Variants in MAML3 observed in about 807,000 individuals in gnomAD.
MAML3 encodes mastermind like transcriptional coactivator 3.
A neutral mutation model predicts 101.9 loss-of-function variants in MAML3; 27 were observed. The observed-to-expected ratio is 0.27, with a 90% CI of 0.20 to 0.37. The LOEUF is 0.37. Among genes scored for constraint, MAML3 ranks in the 10% least tolerant of loss-of-function variants. The pLI is 1.00. For missense variants in MAML3, 1,316 were observed against 1,444.9 expected (o/e 0.91, Z 1.45); for synonymous variants, 501 against 555.9 (o/e 0.90, Z 1.39).
intron 2 of MAML3, among the ~76,000 whole-genome samples, chr4:139,782,980 A>G (rs574253343): frequency 6.6e-6 from 1 of 152,092 alleles, no homozygotes; most frequent in Non-Finnish European, 1.5e-5. Flanking sequence ...GCCTATTTTC[A>G]GTGTTTGGGA....
At chr4:139,842,204 T>C (rs1731375317) in intron 2 of MAML3, among the ~76,000 whole-genome samples, 1 of 152,184 alleles carries the variant, frequency 6.6e-6, no homozygotes, top group Non-Finnish European at 1.5e-5. Flanking sequence ...TGTGACCTGA[T>C]ATTGGGTTGA....
At chr4:140,146,521 AT>A (rs1016393562) in intron 1 of MAML3, among the ~76,000 whole-genome samples, 142 of 152,238 alleles carry the variant, frequency 9.3e-4, no homozygotes, top group African/African-American at 3.1e-3. Context: ...CAACAAAAAA[AT>A]TAAACTAAAT....
chr4:140,105,187 T>G (rs1198833557), intron 1 of MAML3, among the ~76,000 whole-genome samples: 2 of 152,228 alleles, frequency 1.3e-5, no homozygotes, highest in African/African-American at 4.8e-5. Flanking sequence ...GAAAATTGTG[T>G]CCTATCAAAG....
intron 1 of MAML3, among the ~76,000 whole-genome samples, chr4:139,953,759 A>C (rs1733869640): frequency 6.6e-6 from 1 of 152,180 alleles, no homozygotes. Context: ...AAATACATAA[A>C]AGTGTACTTT....
At chr4:139,861,477 A>ATATGTGTGTG in intron 2 of MAML3, among the ~76,000 whole-genome samples, 1 of 146,494 alleles carries the variant, frequency 6.8e-6, no homozygotes, top group East Asian at 2.0e-4. Flanking sequence ...TAACCAGCCG[A>ATATGTGTGTG]TGTGTGTGTG....
chr4:140,128,433 C>T (rs2111035529), intron 1 of MAML3, among the ~76,000 whole-genome samples: 1 of 152,268 alleles, frequency 6.6e-6, no homozygotes, highest in East Asian at 1.9e-4. Context: ...ATCCAAAGTA[C>T]TATTTCAGAC....
chr4:139,808,029 C>T (rs749330762), intron 2 of MAML3, among the ~76,000 whole-genome samples: 4 of 152,198 alleles, frequency 2.6e-5, no homozygotes, highest in Non-Finnish European at 4.4e-5. Flanking sequence ...CATTCATATT[C>T]GGCTCTTCCT....
intron 1 of MAML3, among the ~76,000 whole-genome samples, chr4:140,063,119 T>A (rs951805590): frequency 3.3e-5 from 5 of 152,058 alleles, no homozygotes; most frequent in African/African-American, 1.2e-4. Flanking sequence ...TGCTATTGAG[T>A]AATCTGCTTA....
At chr4:140,152,825 C>G (rs1001875844) in intron 1 of MAML3, 35 bp downstream of exon 1, 1 of 1,586,756 alleles carries the variant, frequency 6.3e-7, no homozygotes. Flanking sequence ...CCACCCCCAA[C>G]GCGCGCCGCA....
At chr4:139,938,364 C>G (rs1442573334) in intron 1 of MAML3, among the ~76,000 whole-genome samples, 1 of 152,164 alleles carries the variant, frequency 6.6e-6, no homozygotes, top group Non-Finnish European at 1.5e-5. Flanking sequence ...GATCCAGAGT[C>G]ATGAAGTGAT....
chr4:139,793,609 T>C (rs180713797), intron 2 of MAML3, among the ~76,000 whole-genome samples: 61 of 152,320 alleles, frequency 4.0e-4, no homozygotes, highest in African/African-American at 1.4e-3. Context: ...TCCTGTGGCT[T>C]TTCCAAGCCT....
At chr4:140,134,600 A>G (rs1354420131) in intron 1 of MAML3, 2 of 331,440 alleles carry the variant, frequency 6.0e-6, no homozygotes, top group Non-Finnish European at 1.2e-5. Flanking sequence ...GTGATTAGAA[A>G]AACACCACAG....
intron 2 of MAML3, among the ~76,000 whole-genome samples, chr4:139,772,268 G>T (rs1307730553): frequency 3.9e-5 from 5 of 128,386 alleles, no homozygotes; most frequent in African/African-American, 1.5e-4. Flanking sequence ...AAAAAAAAAA[G>T]GTAAAAGGAC....
intron 1 of MAML3, among the ~76,000 whole-genome samples, chr4:139,980,482 C>T (rs1372081585): frequency 1.3e-5 from 2 of 152,198 alleles, no homozygotes; most frequent in Non-Finnish European, 2.9e-5. Context: ...TACTTCTCTA[C>T]ATGGAGTCCA....
chr4:140,010,559 A>C (rs1051910362), intron 1 of MAML3, among the ~76,000 whole-genome samples: 1 of 152,206 alleles, frequency 6.6e-6, no homozygotes, highest in Non-Finnish European at 1.5e-5. Flanking sequence ...GTGCATTGCT[A>C]ACTAGAAATA....
chr4:139,856,182 T>C (rs1361118694), intron 2 of MAML3, among the ~76,000 whole-genome samples: 1 of 152,220 alleles, frequency 6.6e-6, no homozygotes, highest in African/African-American at 2.4e-5. Flanking sequence ...CTGTCCAGTA[T>C]ATGTGGAATA....
At chr4:139,957,485 C>G (rs766391505) in intron 1 of MAML3, among the ~76,000 whole-genome samples, 1 of 152,192 alleles carries the variant, frequency 6.6e-6, no homozygotes, top group African/African-American at 2.4e-5. Flanking sequence ...TATTTAGAAG[C>G]TGGTACCTCT....
intron 1 of MAML3, among the ~76,000 whole-genome samples, chr4:139,978,607 A>C (rs1734387203): frequency 2.2e-5 from 3 of 138,436 alleles, no homozygotes; most frequent in Admixed American, 7.9e-5. Context: ...AGCATCAACC[A>C]CATCAAAAAA....
At chr4:140,092,071 TA>T (rs1345581150) in intron 1 of MAML3, among the ~76,000 whole-genome samples, 1 of 70,082 alleles carries the variant, frequency 1.4e-5, no homozygotes, top group African/African-American at 3.6e-5. Context: ...TTTATATATA[TA>T]TACGTATATA....
Sources: gnomAD v4.1 joint callset for allele counts (sites outside exome capture counted in the v4.1 genomes callset) on GRCh38, gnomAD v4.1.1 for gene constraint, MANE v1.5 for transcripts, NCBI Gene and HGNC (gene_info 2026-07-23, HGNC 2026-07-21) for gene names.